The following ZNF385D variants were observed in gnomAD, a reference collection of about 807,000 sequenced individuals.
The protein encoded by ZNF385D is zinc finger protein 659.
Under a neutral mutation model 35.8 loss-of-function variants are expected in ZNF385D, and 15 were observed. The ratio of observed to expected loss-of-function variants is 0.42; its 90% CI spans 0.28 to 0.64. The LOEUF (loss-of-function observed/expected upper bound fraction) is 0.64, where lower values mean the gene tolerates loss of function less well. Ranked by LOEUF, ZNF385D falls within the 30% of genes least tolerant of loss-of-function variation. The pLI is 0.23. For synonymous variants in ZNF385D, 212 were observed against 186.8 expected (o/e 1.13, Z -1.10); for missense variants, 474 against 494.6 (o/e 0.96, Z 0.39).
At position 21,975,739 on chromosome 3, in the gene ZNF385D, A is replaced by ATATATG. The variant is rs1553711017; in HGVS notation, c.325+193077_325+193078insCATATA. Among the ~76,000 whole-genome samples, 407 of 48,336 alleles carry ATATATG rather than the reference A, an allele frequency of 8.4e-3. 5 individuals carry two copies. Among genetic ancestry groups the ATATATG allele is most frequent in the Non-Finnish European group, 0.011 (296 of 26,234 alleles). 31.7% of individuals were successfully genotyped at this position (48,336 alleles called of 152,430 possible). On this transcript the variant is annotated intron_variant, in intron 3 of 5. Coordinates refer to the ZNF385D transcript ENST00000494108. ...TATATATATATATATATATATATAT[A>ATATATG]TATATATATATATATACACACACTA...
chr3:21,832,700 G>T (rs1438370758), intron 3 of ZNF385D, among the ~76,000 whole-genome samples: 2 of 152,192 alleles, frequency 1.3e-5, no homozygotes, highest in African/African-American at 4.8e-5. Context: ...CCTCAGCACT[G>T]TTGGGCATTT....
chr3:22,041,280 T>A (rs202083496), intron 3 of ZNF385D, among the ~76,000 whole-genome samples: 8 of 152,270 alleles, frequency 5.3e-5, no homozygotes, highest in South Asian at 2.1e-4. Flanking sequence ...TGTGTTCACA[T>A]TGAACTATAG....
chr3:21,578,936 A>G (rs1241725344), intron 2 of ZNF385D, among the ~76,000 whole-genome samples: 3 of 152,194 alleles, frequency 2.0e-5, no homozygotes, highest in Non-Finnish European at 4.4e-5. Flanking sequence ...GATTATCTTA[A>G]TATCTATGGA....
At chr3:21,691,245 A>G (rs2067275294) in intron 1 of ZNF385D, among the ~76,000 whole-genome samples, 2 of 152,148 alleles carry the variant, frequency 1.3e-5, no homozygotes. Context: ...GCTAGAGAAA[A>G]TGACATAGCC....
chr3:21,728,691 T>C (rs1363426090), intron 1 of ZNF385D, among the ~76,000 whole-genome samples: 1 of 152,176 alleles, frequency 6.6e-6, no homozygotes, highest in Non-Finnish European at 1.5e-5. Flanking sequence ...GGTCAGGAGC[T>C]TCCCCAATGT....
intron 2 of ZNF385D, among the ~76,000 whole-genome samples, chr3:21,600,144 A>G (rs1023931317): frequency 6.6e-6 from 1 of 152,184 alleles, no homozygotes; most frequent in Non-Finnish European, 1.5e-5. Context: ...GGCATGAATA[A>G]TCCAGCCCCT....
At chr3:21,425,790 A>C in intron 5 of ZNF385D, 120 bp from the exon 6 acceptor site, 2 of 847,624 alleles carry the variant, frequency 2.4e-6, no homozygotes, top group South Asian at 3.5e-5. Flanking sequence ...ACAGTACAAT[A>C]ACAAAATCTG....
intron 3 of ZNF385D, among the ~76,000 whole-genome samples, chr3:21,758,485 C>T (rs1243299742): frequency 6.6e-6 from 1 of 152,104 alleles, no homozygotes; most frequent in Non-Finnish European, 1.5e-5. Flanking sequence ...AACCAGAGGG[C>T]CAGTCAACCA....
At chr3:22,075,761 G>A (rs1700433340) in intron 3 of ZNF385D, among the ~76,000 whole-genome samples, 1 of 151,776 alleles carries the variant, frequency 6.6e-6, no homozygotes, top group Admixed American at 6.6e-5. Context: ...ATTTTTCTCT[G>A]AGCTTTAGCT....
intron 1 of ZNF385D, among the ~76,000 whole-genome samples, chr3:21,690,183 T>C (rs1323716685): frequency 6.6e-6 from 1 of 152,188 alleles, no homozygotes; most frequent in African/African-American, 2.4e-5. Context: ...AATCTGTATA[T>C]GTTTGTGTTG....
At chr3:22,065,461 G>C (rs1218776331) in intron 3 of ZNF385D, among the ~76,000 whole-genome samples, 1 of 152,096 alleles carries the variant, frequency 6.6e-6, no homozygotes, top group Non-Finnish European at 1.5e-5. Context: ...TGGCAGGGTA[G>C]GGGCAACAAG....
intron 2 of ZNF385D, among the ~76,000 whole-genome samples, chr3:22,259,042 A>AT (rs2125340679): frequency 6.6e-6 from 1 of 151,940 alleles, no homozygotes; most frequent in Admixed American, 6.6e-5. Flanking sequence ...GTAAAGTGTA[A>AT]TTGCTATGTC....
chr3:22,192,483 G>C (rs1696126183), intron 2 of ZNF385D, among the ~76,000 whole-genome samples: 1 of 152,014 alleles, frequency 6.6e-6, no homozygotes, highest in African/African-American at 2.4e-5. Context: ...GACTCCTCAG[G>C]CTAGTTCACA....
intron 3 of ZNF385D, among the ~76,000 whole-genome samples, chr3:22,149,127 G>C (rs954046615): frequency 1.3e-5 from 2 of 152,048 alleles, no homozygotes; most frequent in African/African-American, 4.8e-5. Context: ...CGCAACCCCG[G>C]ACCTGTATCA....
At chr3:22,156,473 G>C (rs752076576) in intron 3 of ZNF385D, among the ~76,000 whole-genome samples, 3 of 151,838 alleles carry the variant, frequency 2.0e-5, no homozygotes, top group Non-Finnish European at 2.9e-5. Flanking sequence ...GCTAGGTTTA[G>C]AGAGAGAGAG....
At chr3:22,255,439 ATTC>A (rs1700267980) in intron 2 of ZNF385D, among the ~76,000 whole-genome samples, 1 of 151,770 alleles carries the variant, frequency 6.6e-6, no homozygotes, top group African/African-American at 2.4e-5. Context: ...CATTTTGGGG[ATTC>A]TTTTCATATT....
intron 2 of ZNF385D, among the ~76,000 whole-genome samples, chr3:22,366,910 A>G (rs1485693228): frequency 6.6e-6 from 1 of 152,190 alleles, no homozygotes; most frequent in Non-Finnish European, 1.5e-5. Flanking sequence ...TGTGGCCACA[A>G]GCCAAGGAAT....
chr3:22,068,808 A>G (rs140591154), intron 3 of ZNF385D, among the ~76,000 whole-genome samples: 2 of 152,342 alleles, frequency 1.3e-5, no homozygotes, highest in Non-Finnish European at 2.9e-5. Context: ...CATATGCACA[A>G]CTGTGAAGAA....
At chr3:21,463,665 C>G (rs571578915) in intron 4 of ZNF385D, among the ~76,000 whole-genome samples, 1 of 152,214 alleles carries the variant, frequency 6.6e-6, no homozygotes, top group African/African-American at 2.4e-5. Flanking sequence ...CTGATGCCTA[C>G]AGATATGAAA....
Sources: allele counts gnomAD v4.1 joint callset (sites outside exome capture counted in the v4.1 genomes callset), GRCh38; gene constraint gnomAD v4.1.1; transcripts MANE v1.5; gene names NCBI Gene and HGNC (gene_info 2026-07-23, HGNC 2026-07-21).